The following CADM2 variants were observed in gnomAD, a reference collection of about 807,000 sequenced individuals.
CADM2 encodes immunoglobulin superfamily member 4D.
In CADM2, 12 loss-of-function variants were observed where a neutral mutation model predicts 49.8. The observed-to-expected ratio is 0.24, with a 90% CI of 0.15 to 0.39. CADM2 has a LOEUF of 0.39. CADM2 is among the 10% of genes least tolerant of loss of function. The pLI is 1.00. For missense variants in CADM2, 378 were observed against 492.3 expected, an observed-to-expected ratio of 0.77 and a Z score of 2.20; for synonymous variants, 214 against 175.4, an observed-to-expected ratio of 1.22 and a Z score of -1.74.
intron 1 of CADM2, among the ~76,000 whole-genome samples, chr3:85,142,236 A>G (rs2039598190): frequency 6.6e-6 from 1 of 152,208 alleles, no homozygotes; most frequent in African/African-American, 2.4e-5. Context: ...CATTGGAAAT[A>G]AGCTTATCTT....
At chr3:85,477,598 A>T (rs2039031517) in intron 1 of CADM2, among the ~76,000 whole-genome samples, 1 of 151,960 alleles carries the variant, frequency 6.6e-6, no homozygotes, top group Non-Finnish European at 1.5e-5. Flanking sequence ...TACAGGATCA[A>T]GATACTGCTG....
intron 1 of CADM2, among the ~76,000 whole-genome samples, chr3:85,675,511 G>A (rs1307102894): frequency 1.3e-5 from 2 of 152,162 alleles, no homozygotes; most frequent in Admixed American, 6.5e-5. Context: ...ATTTTTAGAA[G>A]CTAAGTGATC....
chr3:85,778,295 A>T (rs2070457854), intron 2 of CADM2, among the ~76,000 whole-genome samples: 1 of 152,226 alleles, frequency 6.6e-6, no homozygotes, highest in Non-Finnish European at 1.5e-5. Flanking sequence ...ACACACATAT[A>T]CACAATTTTA....
At chr3:85,811,388 A>G (rs909556707) in intron 3 of CADM2, among the ~76,000 whole-genome samples, 1 of 152,184 alleles carries the variant, frequency 6.6e-6, no homozygotes, top group Admixed American at 6.5e-5. Flanking sequence ...GAACAGTTTT[A>G]TTCTACCTTC....
chr3:86,065,212 C>T (rs1188759182), intron 8 of CADM2, among the ~76,000 whole-genome samples: 2 of 152,054 alleles, frequency 1.3e-5, no homozygotes, highest in Non-Finnish European at 2.9e-5. Context: ...CATTTTCATC[C>T]CCAGGCTTTC....
chr3:85,308,536 A>G (rs770682669), intron 1 of CADM2, among the ~76,000 whole-genome samples: 3 of 151,976 alleles, frequency 2.0e-5, no homozygotes, highest in African/African-American at 7.2e-5. Flanking sequence ...CTAGTTTTCT[A>G]TGAATCTATT....
At chr3:85,368,204 A>G (rs1212908672) in intron 1 of CADM2, among the ~76,000 whole-genome samples, 2 of 152,158 alleles carry the variant, frequency 1.3e-5, no homozygotes, top group South Asian at 4.1e-4. Context: ...TGGATGATAC[A>G]TCACTAACTA....
intron 1 of CADM2, among the ~76,000 whole-genome samples, chr3:85,595,388 A>G (rs1206739412): frequency 2.6e-5 from 4 of 152,092 alleles, no homozygotes; most frequent in African/African-American, 9.7e-5. Flanking sequence ...CTGGCAAAAT[A>G]TGCAAACAGT....
rs1206992317 is a variant in CADM2 at position 85,154,904 on chromosome 3, C to T, written c.61+195236C>T. 9.2e-5 allele frequency among the ~76,000 whole-genome samples: 14 copies of T among 151,608 alleles called. No individual in the cohort carries two copies. The South Asian group carries it at 2.1e-3, about 23-fold the overall frequency. ...AAGCAAATGCTGAGAGATTTTGTCA[C>T]CACCCGGCCTGCCCTAAAAGAGCTC... On this transcript the variant is annotated intron_variant, in intron 1 of 9. Coordinates refer to ENST00000383699, the MANE Select transcript of CADM2 (RefSeq NM_001167675.2).
At chr3:85,552,554 G>T (rs548062074) in intron 1 of CADM2, among the ~76,000 whole-genome samples, 55 of 151,706 alleles carry the variant, frequency 3.6e-4, no homozygotes, top group Non-Finnish European at 5.3e-4. Context: ...CTAATTTTTT[G>T]TATGTTTAGT....
rs550761741 is a variant in CADM2 at position 85,945,688 on chromosome 3, T to C, written c.791+9831T>C. Among the ~76,000 whole-genome samples the C allele has an allele frequency of 2.6e-5, 4 of 152,234 alleles. No individual in the cohort carries two copies. The South Asian group carries it at 8.3e-4, about 32-fold the overall frequency. On this transcript the variant is annotated intron_variant, in intron 7 of 9. Transcript: ENST00000383699. Reference sequence around the variant, plus strand: ...ACCAAAGACAAAAACCACGTGATTATCTCAATAGATGCAGAAAAGGCCTTT... The same window carrying C: ...ACCAAAGACAAAAACCACGTGATTACCTCAATAGATGCAGAAAAGGCCTTT...
intron 1 of CADM2, among the ~76,000 whole-genome samples, chr3:85,306,420 T>G (rs1391599453): frequency 1.3e-5 from 2 of 151,686 alleles, no homozygotes; most frequent in African/African-American, 4.8e-5. Flanking sequence ...TCTCTTTTCT[T>G]TGAGCAAATA....
intron 1 of CADM2, among the ~76,000 whole-genome samples, chr3:85,625,486 G>T (rs2064098703): frequency 6.6e-6 from 1 of 152,036 alleles, no homozygotes; most frequent in African/African-American, 2.4e-5. Context: ...TCAAAGGAAT[G>T]ATTTGTTTCT....
intron 2 of CADM2, among the ~76,000 whole-genome samples, chr3:85,748,369 A>G (rs1236568727): frequency 1.3e-5 from 2 of 152,044 alleles, no homozygotes; most frequent in Non-Finnish European, 1.5e-5. Context: ...CAGCATTGCC[A>G]AAAGAAACGA....
intron 8 of CADM2, among the ~76,000 whole-genome samples, chr3:85,963,287 CTT>C (rs1481289583): frequency 3.3e-5 from 5 of 151,980 alleles, no homozygotes; most frequent in Non-Finnish European, 7.4e-5. Context: ...CAAAATTCAA[CTT>C]TGGAAAAATT....
At chr3:85,513,575 C>A (rs1335717239) in intron 1 of CADM2, among the ~76,000 whole-genome samples, 2 of 151,902 alleles carry the variant, frequency 1.3e-5, no homozygotes, top group Non-Finnish European at 2.9e-5. Flanking sequence ...AAAACCTCAA[C>A]AGCAAAATAT....
chr3:85,322,443 A>G (rs1182537415), intron 1 of CADM2, among the ~76,000 whole-genome samples: 1 of 150,324 alleles, frequency 6.7e-6, no homozygotes, highest in Non-Finnish European at 1.5e-5. Flanking sequence ...AATGCTCCTC[A>G]CAAGAAATCT....
intron 1 of CADM2, among the ~76,000 whole-genome samples, chr3:85,121,072 T>C (rs1397277332): frequency 6.6e-6 from 1 of 152,138 alleles, no homozygotes; most frequent in African/African-American, 2.4e-5. Context: ...TGTTCTGCCT[T>C]GATTATGTCT....
chr3:85,785,753 T>C (rs11711972), intron 2 of CADM2, among the ~76,000 whole-genome samples: 100,507 of 151,904 alleles, frequency 0.66, 33,730 homozygotes, highest in East Asian at 0.77. Context: ...GGAGTCTATT[T>C]AAGCATTTTT....
Sources: allele counts gnomAD v4.1 joint callset (sites outside exome capture counted in the v4.1 genomes callset), GRCh38; gene constraint gnomAD v4.1.1; transcripts MANE v1.5; gene names NCBI Gene and HGNC (gene_info 2026-07-23, HGNC 2026-07-21).